Variants in CEP128 observed in about 807,000 individuals in gnomAD.
CEP128 encodes the protein centrosomal protein 128kDa.
In CEP128, 132 loss-of-function variants were observed where a neutral mutation model predicts 156.7. The ratio of observed to expected loss-of-function variants is 0.84; its 90% CI spans 0.73 to 0.97. The LOEUF (loss-of-function observed/expected upper bound fraction) is 0.97, where lower values mean the gene tolerates loss of function less well. Ranked by LOEUF, CEP128 falls within the 50% of genes least tolerant of loss-of-function variation. CEP128 has a pLI of 0.00. For missense variants in CEP128, 1,252 were observed against 1,281.9 expected (o/e 0.98, Z 0.36); for synonymous variants, 469 against 448.9 (o/e 1.04, Z -0.57).
intron 2 of CEP128, chr14:80,955,947 G>A: frequency 1.4e-6 from 2 of 1,457,244 alleles, no homozygotes; most frequent in South Asian, 1.1e-5. Context: ...ACAGCCCGAA[G>A]TAGTGTGTGA....
intron 15 of CEP128, among the ~76,000 whole-genome samples, chr14:80,781,565 G>T (rs574517500): frequency 6.6e-6 from 1 of 151,656 alleles, no homozygotes; most frequent in Non-Finnish European, 1.5e-5. Flanking sequence ...AATAATTAAC[G>T]AAGGTTTTTC....
intron 8 of CEP128, among the ~76,000 whole-genome samples, chr14:80,864,123 T>C (rs1887653465): frequency 6.6e-6 from 1 of 152,218 alleles, no homozygotes; most frequent in African/African-American, 2.4e-5. Flanking sequence ...TTTCTCTTCC[T>C]TATAATTTTC....
chr14:80,873,303 GCT>G lies in CEP128; in HGVS notation c.646-10432_646-10431del, dbSNP rs531768541. 5.9e-5 allele frequency among the ~76,000 whole-genome samples: 9 copies of G among 152,272 alleles called. No individual in the cohort carries two copies. In the South Asian group the frequency reaches 1.5e-3, roughly 25 times the overall value. Reference sequence around the variant, plus strand: ...GCAATAATTATGTGAAAGAGTTTGAGCTCTCTCTGAATTCAGCTAACTGCTAA... The same window carrying G: ...GCAATAATTATGTGAAAGAGTTTGAGCTCTCTGAATTCAGCTAACTGCTAA... On this transcript the variant is annotated intron_variant, in intron 8 of 24. Coordinates refer to ENST00000555265, the MANE Select transcript of CEP128 (RefSeq NM_152446.5).
intron 19 of CEP128, among the ~76,000 whole-genome samples, chr14:80,585,176 A>G (rs1438696664): frequency 6.6e-6 from 1 of 152,262 alleles, no homozygotes; most frequent in Non-Finnish European, 1.5e-5. Context: ...AACATCATGG[A>G]TGAGAATTGG....
chr14:80,869,943 A>T (rs769603307), intron 8 of CEP128, among the ~76,000 whole-genome samples: 1 of 152,100 alleles, frequency 6.6e-6, no homozygotes, highest in African/African-American at 2.4e-5. Context: ...CAAAAATACA[A>T]AGTCTTATAA....
intron 19 of CEP128, among the ~76,000 whole-genome samples, chr14:80,655,070 C>T (rs976571353): frequency 3.3e-5 from 5 of 152,144 alleles, no homozygotes; most frequent in South Asian, 4.1e-4. Context: ...TCTTTGTTCA[C>T]GTTGGCTCAC....
chr14:80,542,027 G>A (rs1407261745), intron 21 of CEP128, among the ~76,000 whole-genome samples: 1 of 152,174 alleles, frequency 6.6e-6, no homozygotes, highest in Non-Finnish European at 1.5e-5. Flanking sequence ...CTTAGAGCAG[G>A]GCTTGGCATG....
chr14:80,564,709 C>G (rs531316887), intron 20 of CEP128, among the ~76,000 whole-genome samples: 7 of 152,292 alleles, frequency 4.6e-5, no homozygotes, highest in African/African-American at 1.4e-4. Flanking sequence ...CCAAAAAGAC[C>G]TGCTTCTTGC....
chr14:80,598,518 C>A (rs890475623), intron 19 of CEP128, among the ~76,000 whole-genome samples: 1 of 152,062 alleles, frequency 6.6e-6, no homozygotes, highest in East Asian at 1.9e-4. Flanking sequence ...GATTAGAAGA[C>A]TCACATAGTA....
intron 19 of CEP128, among the ~76,000 whole-genome samples, chr14:80,699,573 C>A (rs1253015671): frequency 2.0e-5 from 3 of 152,152 alleles, no homozygotes; most frequent in South Asian, 2.1e-4. Flanking sequence ...CACCATTTAA[C>A]ATAGGTTTGT....
intron 19 of CEP128, among the ~76,000 whole-genome samples, chr14:80,711,948 C>T (rs1897428012): frequency 6.6e-6 from 1 of 152,056 alleles, no homozygotes; most frequent in South Asian, 2.1e-4. Context: ...CCAATTCACT[C>T]TTCATTATCT....
chr14:80,714,901 G>C (rs1897546838), intron 19 of CEP128, among the ~76,000 whole-genome samples: 1 of 152,050 alleles, frequency 6.6e-6, no homozygotes, highest in African/African-American at 2.4e-5. Flanking sequence ...ACAACACTTA[G>C]AAAGACATCA....
At chr14:80,696,325 G>A (rs1289585071) in intron 19 of CEP128, among the ~76,000 whole-genome samples, 2 of 152,144 alleles carry the variant, frequency 1.3e-5, no homozygotes, top group Non-Finnish European at 2.9e-5. Context: ...AAACATATTT[G>A]AGAGACAGTA....
intron 9 of CEP128, among the ~76,000 whole-genome samples, chr14:80,858,783 A>G (rs1336971797): frequency 6.6e-6 from 1 of 152,080 alleles, no homozygotes; most frequent in Non-Finnish European, 1.5e-5. Context: ...GCAGCCAAAA[A>G]ACACATGAAA....
chr14:80,725,037 T>C (rs945096987), intron 19 of CEP128, among the ~76,000 whole-genome samples: 1 of 147,880 alleles, frequency 6.8e-6, no homozygotes, highest in African/African-American at 2.5e-5. Flanking sequence ...TATATATATA[T>C]GTCAGTGTTT....
chr14:80,784,085 A>G (rs1326347841), intron 15 of CEP128, among the ~76,000 whole-genome samples: 2 of 152,202 alleles, frequency 1.3e-5, no homozygotes, highest in African/African-American at 4.8e-5. Context: ...TATAATAATT[A>G]ACCTTCAAAG....
At chr14:80,483,100 G>A (rs1047093824) in intron 14 of CEP128, among the ~76,000 whole-genome samples, 31 of 152,160 alleles carry the variant, frequency 2.0e-4, no homozygotes, top group Non-Finnish European at 7.3e-5. Flanking sequence ...AACAATCAGG[G>A]AACAACTGAT....
At chr14:80,571,810 A>C (rs1891148941) in intron 20 of CEP128, among the ~76,000 whole-genome samples, 1 of 90,542 alleles carries the variant, frequency 1.1e-5, no homozygotes, top group African/African-American at 5.8e-5. Context: ...GAACAAAAAA[A>C]AAGAAAGGTG....
intron 19 of CEP128, among the ~76,000 whole-genome samples, chr14:80,701,869 A>G (rs1393890055): frequency 1.3e-5 from 2 of 152,160 alleles, no homozygotes; most frequent in African/African-American, 4.8e-5. Context: ...CAGGCCGGAT[A>G]CATTGCAGCC....
Sources: allele counts gnomAD v4.1 joint callset (sites outside exome capture counted in the v4.1 genomes callset), GRCh38; gene constraint gnomAD v4.1.1; transcripts MANE v1.5; gene names NCBI Gene and HGNC (gene_info 2026-07-23, HGNC 2026-07-21).